The following SERPINB5 variants were observed in gnomAD, a reference collection of about 807,000 sequenced individuals.
SERPINB5 encodes the protein serpin B5.
In SERPINB5, 27 loss-of-function variants were observed where a neutral mutation model predicts 32.2. The ratio of observed to expected loss-of-function variants is 0.84; its 90% confidence interval spans 0.62 to 1.16. The LOEUF is 1.16. Among genes scored for constraint, SERPINB5 ranks in the 50% most tolerant of loss-of-function variants. The pLI is 0.00. For missense variants in SERPINB5, 388 were observed against 436.3 expected, an observed-to-expected ratio of 0.89 and a Z score of 0.99; for synonymous variants, 154 against 157.4, an observed-to-expected ratio of 0.98 and a Z score of 0.16.
intron 3 of SERPINB5, among the ~76,000 whole-genome samples, chr18:63,488,386 A>G (rs2144498425): frequency 6.6e-6 from 1 of 152,346 alleles, no homozygotes; most frequent in African/African-American, 2.4e-5. Context: ...TAACCAGACT[A>G]GGAGTTGTAA....
intron 5 of SERPINB5, among the ~76,000 whole-genome samples, chr18:63,494,711 C>A (rs1909413324): frequency 6.6e-6 from 1 of 152,188 alleles, no homozygotes; most frequent in Admixed American, 6.5e-5. Flanking sequence ...ATTACTCTTT[C>A]TTTCTTTGTT....
At chr18:63,482,448 C>T (rs1426615263) in intron 1 of SERPINB5, among the ~76,000 whole-genome samples, 2 of 152,152 alleles carry the variant, frequency 1.3e-5, no homozygotes, top group Admixed American at 6.5e-5. Flanking sequence ...GGGAACACTT[C>T]GAGTTTAATC....
chr18:63,501,958 G>A (rs1966894), intron 6 of SERPINB5, among the ~76,000 whole-genome samples: 19,629 of 152,080 alleles, frequency 0.13, 1,330 homozygotes, highest in Non-Finnish European at 0.13. Context: ...TTTGTCAGAT[G>A]AGTAGATTGC....
intron 1 of SERPINB5, 103 bp from the exon 2 acceptor site, chr18:63,484,315 GATCA>G: frequency 9.2e-7 from 1 of 1,091,500 alleles, no homozygotes; most frequent in Non-Finnish European, 1.3e-6. Flanking sequence ...TTTCTTCTGA[GATCA>G]ATTACTTTGT....
rs952677008 is a variant in SERPINB5, at chr18:63,489,609, C to G, written c.424+145C>G. On this transcript the variant is annotated intron_variant, in intron 4 of 6. Coordinates refer to ENST00000382771, the MANE Select transcript of SERPINB5 (RefSeq NM_002639.5). Reference sequence around the variant, plus strand: ...ACAAGCTAAATTCTTTCCCTTCAAGCCTGTAAACAACTTGGATTTCTGGGC... The same window carrying G: ...ACAAGCTAAATTCTTTCCCTTCAAGGCTGTAAACAACTTGGATTTCTGGGC... The G allele has an allele frequency of 5.1e-6, 3 of 591,204 alleles. No individual in the cohort carries two copies. In the African/African-American group the frequency reaches 5.7e-5, roughly 11 times the overall value. 36.6% of individuals were successfully genotyped at this position (591,204 alleles called of 1,614,324 possible).
chr18:63,499,337 A>C, intron 6 of SERPINB5, 50 bp downstream of exon 6: 1 of 1,417,532 alleles, frequency 7.1e-7, no homozygotes, highest in Non-Finnish European at 9.3e-7. Flanking sequence ...GCCTTGGCAA[A>C]GAGTTGTGCC....
chr18:63,500,792 A>C (rs1356397281), intron 6 of SERPINB5, among the ~76,000 whole-genome samples: 1 of 152,092 alleles, frequency 6.6e-6, no homozygotes, highest in African/African-American at 2.4e-5. Context: ...TTTCCAGGGG[A>C]CCATCCAGTC....
Position 63,492,993 on chromosome 18 carries a change from C to G in SERPINB5, c.465C>G (p.Asp155Glu), listed in dbSNP as rs759253468. ...TTTTAGCTGACAACAGTGTGAACGA[C>G]CAGACCAAAATCCTTGTGGTTAATG... ...ENILADNSVNDQTKILVVNAA... is the reference protein window; with the variant it reads ...ENILADNSVNEQTKILVVNAA... Residue 155 changes from aspartate (D) to glutamate (E), a missense_variant, in exon 5 of 7, where the codon GAC (aspartate) becomes GAG (glutamate). Physicochemically the swap from Asp to Glu is conservative, Grantham distance 45. Coordinates refer to ENST00000382771, the MANE Select transcript of SERPINB5 (RefSeq NM_002639.5). The G allele has an allele frequency of 1.3e-5, 21 of 1,614,130 alleles. No individual in the cohort carries two copies. The highest frequency in any genetic ancestry group is 3.3e-4 in the Middle Eastern group (2 of 6,062).
chr18:63,494,321 C>CAAAAAAAAAAAAAAAAAAA (rs372412366), intron 5 of SERPINB5, among the ~76,000 whole-genome samples: 1 of 46,688 alleles, frequency 2.1e-5, no homozygotes, highest in Non-Finnish European at 3.8e-5. Flanking sequence ...GACTCCATCT[C>CAAAAAAAAAAAAAAAAAAA]AAAAAAAAAA....
intron 1 of SERPINB5, among the ~76,000 whole-genome samples, chr18:63,479,792 G>A (rs1354359848): frequency 6.6e-6 from 1 of 152,112 alleles, no homozygotes; most frequent in Non-Finnish European, 1.5e-5. Context: ...ATCATACCAA[G>A]AGTTTACAAC....
intron 5 of SERPINB5, among the ~76,000 whole-genome samples, chr18:63,495,297 G>A (rs2144505353): frequency 6.6e-6 from 1 of 152,328 alleles, no homozygotes; most frequent in South Asian, 2.1e-4. Context: ...GACCTTCTCA[G>A]TATTGTCTTT....
Position 63,487,099 on chromosome 18 carries a change from C to A in SERPINB5, c.306+16C>A. 6.2e-7 allele frequency: 1 copy of A among 1,610,814 alleles called. No individual in the cohort carries two copies. The highest frequency in any genetic ancestry group is 1.1e-5 in the South Asian group (1 of 90,708). ...TCTTTCTACAGTAAGTTGTTTAAAG[C>A]AAGTAGCAAGACTTAACTTTTTACA... On this transcript the variant is annotated intron_variant, in intron 3 of 6. Coordinates refer to ENST00000382771, the MANE Select transcript of SERPINB5 (RefSeq NM_002639.5).
At chr18:63,497,296 C>G in intron 5 of SERPINB5, 3 of 1,259,768 alleles carry the variant, frequency 2.4e-6, no homozygotes, top group Non-Finnish European at 2.3e-6. Context: ...GAACCCATCT[C>G]TCAAGCAGCA....
intron 6 of SERPINB5, among the ~76,000 whole-genome samples, chr18:63,502,096 G>A (rs557162533): frequency 1.3e-5 from 2 of 151,356 alleles, no homozygotes; most frequent in African/African-American, 4.8e-5. Context: ...TCTTCTTAAA[G>A]TATAGAACTA....
At chr18:63,484,833 C>T (rs1273188595) in intron 2 of SERPINB5, among the ~76,000 whole-genome samples, 1 of 147,902 alleles carries the variant, frequency 6.8e-6, no homozygotes, top group Non-Finnish European at 1.5e-5. Context: ...CTGCAGCCTC[C>T]AGGTTCAAGC....
intron 3 of SERPINB5, 27 bp downstream of exon 3, chr18:63,487,110 A>G (rs1468520886): frequency 1.2e-6 from 2 of 1,604,750 alleles, no homozygotes; most frequent in African/African-American, 2.7e-5. Context: ...AAGTAGCAAG[A>G]CTTAACTTTT....
intron 6 of SERPINB5, among the ~76,000 whole-genome samples, chr18:63,502,921 G>A (rs1383022396): frequency 6.6e-6 from 1 of 152,074 alleles, no homozygotes; most frequent in African/African-American, 2.4e-5. Flanking sequence ...CTACTCGAGA[G>A]GCTGAGGCAC....
Position 63,503,523 on chromosome 18 carries a change from C to T in SERPINB5, c.929C>T (p.Thr310Ile). 1 of 1,614,158 alleles carries T rather than the reference C, an allele frequency of 6.2e-7. No homozygotes were observed. Among genetic ancestry groups the T allele is most frequent in the Non-Finnish European group, 8.5e-7 (1 of 1,180,004 alleles). ...DTSDFSGMSE[T>I]KGVALSNVIH... ...TCTGATTTCTCTGGAATGTCAGAGA[C>T]CAAGGGAGTGGCCCTATCAAATGTT... The change falls in exon 7 of 7, where the codon ACC (threonine) becomes ATC (isoleucine). Residue 310 changes from threonine (T) to isoleucine (I), a missense_variant. Coordinates refer to ENST00000382771, the MANE Select transcript of SERPINB5 (RefSeq NM_002639.5).
intron 5 of SERPINB5, among the ~76,000 whole-genome samples, chr18:63,496,063 A>G (rs1007527985): frequency 7.2e-5 from 11 of 152,308 alleles, no homozygotes; most frequent in African/African-American, 2.2e-4. Context: ...ATATATCTAT[A>G]TTAGTATATA....
Sources: gnomAD v4.1 joint callset for allele counts (sites outside exome capture counted in the v4.1 genomes callset) on GRCh38, gnomAD v4.1.1 for gene constraint, MANE v1.5 for transcripts, NCBI Gene and HGNC (gene_info 2026-07-23, HGNC 2026-07-21) for gene names.